Variants in NHSL1 observed in about 807,000 individuals in gnomAD.
The protein encoded by NHSL1 is NHS-like protein 1.
Under a neutral mutation model 95.0 loss-of-function variants are expected in NHSL1, and 48 were observed. The observed-to-expected ratio is 0.51, with a 90% confidence interval of 0.40 to 0.64. The LOEUF (loss-of-function observed/expected upper bound fraction) is 0.64. Ranked by LOEUF, NHSL1 falls within the 30% of genes least tolerant of loss-of-function variation. The pLI is 0.00. For synonymous variants in NHSL1, 783 were observed against 833.9 expected, an observed-to-expected ratio of 0.94 and a Z score of 1.05; for missense variants, 1,971 against 2,077.7, an observed-to-expected ratio of 0.95 and a Z score of 1.00.
At chr6:138,621,751 A>G (rs766841906) in intron 1 of NHSL1, among the ~76,000 whole-genome samples, 14 of 152,192 alleles carry the variant, frequency 9.2e-5, no homozygotes, top group Admixed American at 1.3e-4. Flanking sequence ...CAAAAAAAAT[A>G]TGCATGCAAA....
intron 1 of NHSL1, among the ~76,000 whole-genome samples, chr6:138,671,985 T>A (rs60892272): frequency 0.032 from 4,832 of 152,164 alleles, 204 homozygotes; most frequent in African/African-American, 0.094. Flanking sequence ...TAAATCCTCA[T>A]CTTGAGAGGT....
At chr6:138,446,741 C>A in intron 4 of NHSL1, 1 of 408,750 alleles carries the variant, frequency 2.4e-6, no homozygotes, top group African/African-American at 2.0e-5. Flanking sequence ...TTAAAAGAGA[C>A]ACTCTTAAGA....
At chr6:138,440,268 G>A (rs1776443622) in intron 5 of NHSL1, among the ~76,000 whole-genome samples, 1 of 152,138 alleles carries the variant, frequency 6.6e-6, no homozygotes, top group African/African-American at 2.4e-5. Flanking sequence ...TTCCGAATTA[G>A]TTAGCTGTCA....
At chr6:138,490,880 C>T (rs947336111) in intron 2 of NHSL1, among the ~76,000 whole-genome samples, 2 of 152,210 alleles carry the variant, frequency 1.3e-5, no homozygotes, top group African/African-American at 4.8e-5. Context: ...GATCCGCCCG[C>T]CTTGGCCTCC....
chr6:138,617,186 G>A (rs1784591781), intron 1 of NHSL1, among the ~76,000 whole-genome samples: 2 of 152,160 alleles, frequency 1.3e-5, no homozygotes, highest in African/African-American at 4.8e-5. Context: ...TGGCAATGGT[G>A]AGACATATAG....
intron 1 of NHSL1, among the ~76,000 whole-genome samples, chr6:138,544,970 T>A (rs908747827): frequency 6.7e-6 from 1 of 149,258 alleles, no homozygotes; most frequent in African/African-American, 2.5e-5. Context: ...ACAAGAAGTA[T>A]GTTCTTTCTT....
chr6:138,430,494 T>A lies in NHSL1; in HGVS notation c.3851A>T (p.Gln1284Leu), dbSNP rs1367603533. The A allele has an allele frequency of 6.4e-7, 1 of 1,551,352 alleles. No homozygotes were observed. Among genetic ancestry groups the A allele is most frequent in the South Asian group, 1.2e-5 (1 of 84,020 alleles). The change falls in exon 6 of 8, where the codon CAG becomes CTG. Residue 1284 changes from glutamine to leucine, a missense_variant. This residue lies in a region of NHSL1 where 1,602 missense variants were observed against 1,654.5 expected (regional missense o/e 0.97). Coordinates refer to ENST00000343505, the MANE Select transcript of NHSL1 (RefSeq NM_001144060.2). The surrounding 1 kb of genome is among the most constrained non-coding windows in gnomAD (Gnocchi z 4.7). Reference sequence around the variant, plus strand: ...CTTGGGGGCTGGTGAGACATCAGGCTGAACCATGGGGACATTGGCTTCCAC... The same window carrying A: ...CTTGGGGGCTGGTGAGACATCAGGCAGAACCATGGGGACATTGGCTTCCAC... ...SRVEANVPMV[Q>L]PDVSPAPKQE... is the part of the protein sequence containing the mutation.
At chr6:138,530,825 T>C (rs1464295035) in intron 1 of NHSL1, among the ~76,000 whole-genome samples, 1 of 152,056 alleles carries the variant, frequency 6.6e-6, no homozygotes, top group Non-Finnish European at 1.5e-5. Context: ...TGGGAGTGGG[T>C]GAGGGATAAA....
At chr6:138,601,944 GATCT>G (rs146902169) in intron 1 of NHSL1, among the ~76,000 whole-genome samples, 1,768 of 152,212 alleles carry the variant, frequency 0.012, 26 homozygotes, top group African/African-American at 0.041. Context: ...TTCATTGAAA[GATCT>G]ATCAGACTGC....
At chr6:138,646,622 T>C (rs935244148) in intron 1 of NHSL1, among the ~76,000 whole-genome samples, 7 of 152,206 alleles carry the variant, frequency 4.6e-5, no homozygotes, top group African/African-American at 1.4e-4. Context: ...TCTGGAATTG[T>C]TGAAGTTCTA....
chr6:138,515,203 G>A (rs1781408607), intron 1 of NHSL1, among the ~76,000 whole-genome samples: 1 of 152,184 alleles, frequency 6.6e-6, no homozygotes, highest in Non-Finnish European at 1.5e-5. Flanking sequence ...TCAGATCTCA[G>A]TTGACCATGG....
chr6:138,614,594 T>C (rs1784554394), intron 1 of NHSL1, among the ~76,000 whole-genome samples: 1 of 152,144 alleles, frequency 6.6e-6, no homozygotes, highest in Non-Finnish European at 1.5e-5. Context: ...CATATTCCCA[T>C]TTCAACCGAG....
chr6:138,431,905 G>C lies in NHSL1; in HGVS notation c.2440C>G (p.Arg814Gly). The C allele has an allele frequency of 1.9e-6, 3 of 1,551,704 alleles. No individual in the cohort carries two copies. Among genetic ancestry groups the C allele is most frequent in the South Asian group, 1.2e-5 (1 of 84,062 alleles). ...GCTCTGGACCCTTCTTGGACATGGC[G>C]GACTGGCCCGTTCCCAGTGGGCACC... ...SGVPTGNGPVRHVQEGSRATM... is the reference protein window; with the variant it reads ...SGVPTGNGPVGHVQEGSRATM... Residue 814 changes from arginine to glycine, a missense_variant, in exon 6 of 8, where the codon CGC (arginine) becomes GGC (glycine). Physicochemically the swap from Arg to Gly is moderately radical, Grantham distance 125 (BLOSUM62 -2). Transcript: ENST00000343505. This position sits in a 1 kb window ranked among gnomAD's most constrained non-coding sequence, Gnocchi z 4.0.
At chr6:138,475,951 A>C (rs994551240) in intron 2 of NHSL1, among the ~76,000 whole-genome samples, 2 of 152,226 alleles carry the variant, frequency 1.3e-5, no homozygotes, top group African/African-American at 4.8e-5. Flanking sequence ...CAACAGAGTG[A>C]GACTCTGTCT....
At chr6:138,621,033 A>G (rs1394561558) in intron 1 of NHSL1, among the ~76,000 whole-genome samples, 2 of 152,164 alleles carry the variant, frequency 1.3e-5, no homozygotes, top group East Asian at 3.9e-4. Flanking sequence ...GAGAAGTAAG[A>G]AGGAGGAGAA....
intron 2 of NHSL1, among the ~76,000 whole-genome samples, chr6:138,488,798 G>T (rs1265761916): frequency 6.6e-6 from 1 of 152,160 alleles, no homozygotes; most frequent in Non-Finnish European, 1.5e-5. Context: ...CAGCTGAAAG[G>T]GCATCAAAGG....
At chr6:138,433,758 C>A (rs142103039) in intron 5 of NHSL1, 78 bp from the exon 6 acceptor site, 3 of 1,378,610 alleles carry the variant, frequency 2.2e-6, no homozygotes, top group Admixed American at 6.5e-5. Context: ...ACCCCTCTGA[C>A]AGAATTTTAA....
chr6:138,438,328 C>T lies in NHSL1; in HGVS notation c.664+3655G>A, dbSNP rs4896356. 2.7e-3 allele frequency among the ~76,000 whole-genome samples: 417 copies of T among 152,296 alleles called. 6 individuals are homozygous for T. The highest frequency in any genetic ancestry group is 0.019 in the Admixed American group (298 of 15,294). On this transcript the variant is annotated intron_variant, in intron 5 of 7. Coordinates refer to ENST00000343505, the MANE Select transcript of NHSL1 (RefSeq NM_001144060.2). ...TCAGATGATCCTTTGTATTTTTTAG[C>T]AATCAGGTATTTTTACACTGTACAT...
In NHSL1 at chr6:138,433,586, A is replaced by G; in HGVS notation, c.759T>C (p.Ala253=). 1 of 1,552,102 alleles carries G rather than the reference A, an allele frequency of 6.4e-7. No homozygotes were observed. Among genetic ancestry groups the G allele is most frequent in the Non-Finnish European group, 8.7e-7 (1 of 1,147,082 alleles). Residue 253 remains alanine (A), a synonymous_variant, in exon 6 of 8, where the codon GCT becomes GCC. Coordinates refer to ENST00000343505, the MANE Select transcript of NHSL1 (RefSeq NM_001144060.2). ...TLGRFNSCRS[A]GQRSETRDSS... is the part of the protein sequence containing the mutation. ...AGTCCCTGGTTTCTGAGCGCTGCCC[A>G]GCAGACCGACAGCTATTGAACCTTC...
Sources: allele counts gnomAD v4.1 joint callset (sites outside exome capture counted in the v4.1 genomes callset), GRCh38; gene constraint gnomAD v4.1.1; regional missense constraint gnomAD v4.1.1; non-coding constraint Gnocchi (gnomAD v3.1); transcripts MANE v1.5; gene names NCBI Gene and HGNC (gene_info 2026-07-23, HGNC 2026-07-21).